The following SPPL3 variants were observed in gnomAD, a reference collection of about 807,000 sequenced individuals.
SPPL3 encodes the protein signal peptide peptidase like 3, also known as signal peptide peptidase-like 3.
Under a neutral mutation model 42.4 loss-of-function variants are expected in SPPL3, and 5 were observed. The ratio of observed to expected loss-of-function variants is 0.12; its 90% confidence interval spans 0.06 to 0.25. The LOEUF is 0.25. Ranked by LOEUF, SPPL3 falls within the 10% of genes least tolerant of loss-of-function variation. The pLI is 1.00. For synonymous variants in SPPL3, 195 were observed against 181.8 expected (o/e 1.07, Z -0.58); for missense variants, 235 against 489.0 (o/e 0.48, Z 4.90).
Position 120,763,739 on chromosome 12 carries a change from C to T in SPPL3, c.*1260G>A, listed in dbSNP as rs1868757004. 1 of 152,720 alleles carries T rather than the reference C, an allele frequency of 6.5e-6. No homozygotes were observed. The highest frequency in any genetic ancestry group is 6.6e-5 in the Admixed American group (1 of 15,246). The allele number at this position is 152,720 out of a possible 1,614,324, so 9.5% of individuals were successfully genotyped here. On this transcript the variant is annotated 3_prime_UTR_variant, in exon 11 of 11. Transcript: ENST00000353487. Reference sequence around the variant, plus strand: ...GGCATTTGACATGTGTCCCCAACACCCGGTTGTCACCACAGGTAAACCAAG... The same window carrying T: ...GGCATTTGACATGTGTCCCCAACACTCGGTTGTCACCACAGGTAAACCAAG...
chr12:120,782,447 C>A (rs1168025226), intron 6 of SPPL3, among the ~76,000 whole-genome samples: 1 of 152,042 alleles, frequency 6.6e-6, no homozygotes, highest in Admixed American at 6.5e-5. Flanking sequence ...ATGGAGAAAT[C>A]CATAGAAACA....
At chr12:120,787,870 C>A (rs1455508556) in intron 3 of SPPL3, among the ~76,000 whole-genome samples, 6 of 152,156 alleles carry the variant, frequency 3.9e-5, no homozygotes, top group Non-Finnish European at 5.9e-5. Flanking sequence ...TACAGCAGTT[C>A]ACTTGTTTTC....
chr12:120,843,454 T>G (rs576500583), intron 1 of SPPL3, among the ~76,000 whole-genome samples: 1 of 152,294 alleles, frequency 6.6e-6, no homozygotes, highest in South Asian at 2.1e-4. Context: ...CTCTGTAGCA[T>G]CTGACACTCC....
intron 2 of SPPL3, among the ~76,000 whole-genome samples, chr12:120,809,720 C>G (rs1870619833): frequency 6.6e-6 from 1 of 152,130 alleles, no homozygotes; most frequent in Admixed American, 6.5e-5. Context: ...GAGATGAGAA[C>G]CTCAGCAGGA....
chr12:120,781,650 T>C (rs1869551480), intron 6 of SPPL3, among the ~76,000 whole-genome samples: 1 of 133,292 alleles, frequency 7.5e-6, no homozygotes, highest in Non-Finnish European at 1.5e-5. Flanking sequence ...CTTGGCTCAC[T>C]GCAAGCTCCG....
rs761779186 is a variant in SPPL3, at chr12:120,782,764, A to T, written c.393T>A (p.Ile131=). The T allele has an allele frequency of 6.2e-7, 1 of 1,600,158 alleles. No homozygotes were observed. The highest frequency in any genetic ancestry group is 8.5e-7 in the Non-Finnish European group (1 of 1,171,928). Residue 131 remains isoleucine (I), a synonymous_variant, in exon 6 of 11, where the codon ATT becomes ATA. Coordinates refer to ENST00000353487, the MANE Select transcript of SPPL3 (RefSeq NM_139015.5). ...TGAAACGTCCACAGCAACCAAAGGAAATCCTGGAAAACACACAACACTTAT... is the reference window on the plus strand; with the variant it reads ...TGAAACGTCCACAGCAACCAAAGGATATCCTGGAAAACACACAACACTTAT... ...LTRPCSPQNK[I]SFGCCGRFTA... is the part of the protein sequence containing the mutation.
At chr12:120,782,607 A>T (rs879174557) in intron 6 of SPPL3, 48 bp downstream of exon 6, 2 of 1,383,712 alleles carry the variant, frequency 1.4e-6, no homozygotes. Context: ...AAGTATCTAT[A>T]AAACTCTATA....
At chr12:120,787,119 C>A (rs578175768) in intron 3 of SPPL3, among the ~76,000 whole-genome samples, 1 of 152,118 alleles carries the variant, frequency 6.6e-6, no homozygotes, top group Non-Finnish European at 1.5e-5. Flanking sequence ...CCTGTAAGAA[C>A]GATGCTTTTG....
intron 1 of SPPL3, among the ~76,000 whole-genome samples, chr12:120,814,797 T>C (rs772556837): frequency 6.6e-6 from 1 of 152,180 alleles, no homozygotes; most frequent in African/African-American, 2.4e-5. Flanking sequence ...TATAAGAACA[T>C]TATTTCTCAC....
At chr12:120,778,192 C>G (rs1869402014) in intron 6 of SPPL3, among the ~76,000 whole-genome samples, 2 of 130,186 alleles carry the variant, frequency 1.5e-5, no homozygotes, top group African/African-American at 5.6e-5. Flanking sequence ...TCTCGGCTCA[C>G]TGCAACCTCC....
intron 1 of SPPL3, among the ~76,000 whole-genome samples, chr12:120,834,247 T>C (rs982617830): frequency 3.3e-5 from 5 of 152,220 alleles, no homozygotes; most frequent in Non-Finnish European, 5.9e-5. Flanking sequence ...TTACTCCTTG[T>C]AGCTGCCTGA....
intron 1 of SPPL3, among the ~76,000 whole-genome samples, chr12:120,898,314 TAAAAA>T (rs869283065): frequency 3.5e-3 from 223 of 64,308 alleles, no homozygotes; most frequent in Non-Finnish European, 5.3e-3. Flanking sequence ...TTTTTTTTTT[TAAAAA>T]AAAAAAAAAA....
intron 6 of SPPL3, among the ~76,000 whole-genome samples, chr12:120,776,395 T>G (rs1869322293): frequency 6.6e-6 from 1 of 152,202 alleles, no homozygotes; most frequent in Admixed American, 6.5e-5. Context: ...GGACTCGCAT[T>G]GTAAAACAGA....
At chr12:120,782,371 T>C (rs748612148) in intron 6 of SPPL3, among the ~76,000 whole-genome samples, 2 of 152,202 alleles carry the variant, frequency 1.3e-5, no homozygotes, top group African/African-American at 2.4e-5. Context: ...GAAAACATGC[T>C]AAGTGAAACA....
rs1365344635 is a variant in SPPL3 at position 120,845,333 on chromosome 12, T to G, written c.24-34447A>C. The stretch of plus-strand genomic sequence containing the variant: ...AGCTCGTCCTCGGCCAGCATCCTCA[T>G]GAACTCCTCGCAGGCCTCAATCATA... On this transcript the variant is annotated intron_variant, in intron 1 of 10. Coordinates refer to ENST00000353487, the MANE Select transcript of SPPL3 (RefSeq NM_139015.5). 6 of 356,354 alleles carry G rather than the reference T, an allele frequency of 1.7e-5. No homozygotes were observed. The Admixed American group carries it at 1.9e-4, about 11-fold the overall frequency. 22.1% of individuals were successfully genotyped at this position (356,354 alleles called of 1,614,324 possible).
chr12:120,814,670 G>C (rs1870805971), intron 1 of SPPL3, among the ~76,000 whole-genome samples: 1 of 151,588 alleles, frequency 6.6e-6, no homozygotes, highest in Non-Finnish European at 1.5e-5. Flanking sequence ...ATACACAGAG[G>C]TCTTACTCCC....
intron 1 of SPPL3, among the ~76,000 whole-genome samples, chr12:120,828,405 TA>T (rs33981750): frequency 3.3e-5 from 5 of 151,546 alleles, no homozygotes; most frequent in African/African-American, 1.2e-4. Context: ...GTTTTTGCCT[TA>T]AAAAAAACTA....
At chr12:120,884,534 A>C (rs1593010975) in intron 1 of SPPL3, among the ~76,000 whole-genome samples, 1 of 131,170 alleles carries the variant, frequency 7.6e-6, no homozygotes, top group African/African-American at 2.9e-5. Flanking sequence ...TCTGGGTTTC[A>C]ACAACTTGTA....
intron 6 of SPPL3, among the ~76,000 whole-genome samples, chr12:120,782,042 T>C (rs886496664): frequency 2.0e-5 from 3 of 152,150 alleles, no homozygotes; most frequent in Admixed American, 2.0e-4. Flanking sequence ...CCAGATGATT[T>C]TTATTTTTGT....
Sources: gnomAD v4.1 joint callset for allele counts (sites outside exome capture counted in the v4.1 genomes callset) on GRCh38, gnomAD v4.1.1 for gene constraint, MANE v1.5 for transcripts, NCBI Gene and HGNC (gene_info 2026-07-23, HGNC 2026-07-21) for gene names.